RYR3: variants seen among roughly 807,000 people sequenced by gnomAD.
RYR3 encodes the protein ryanodine receptor 3.
A neutral mutation model predicts 584.3 loss-of-function variants in RYR3; 207 were observed. The observed-to-expected ratio is 0.35, with a 90% CI of 0.32 to 0.40. The LOEUF (loss-of-function observed/expected upper bound fraction) is 0.40. Ranked by LOEUF, RYR3 falls within the 10% of genes least tolerant of loss-of-function variation. The pLI is 1.00. For missense variants in RYR3, 5,616 were observed against 6,089.2 expected (o/e 0.92, Z 2.59); for synonymous variants, 2,416 against 2,248.5 (o/e 1.07, Z -2.11).
chr15:33,429,040 C>T (rs573952261), intron 1 of RYR3, among the ~76,000 whole-genome samples: 81 of 152,272 alleles, frequency 5.3e-4, no homozygotes, highest in Non-Finnish European at 8.5e-4. Flanking sequence ...GGAGGAAAAA[C>T]GACACTTTGT....
chr15:33,724,660 C>T (rs1211878298), intron 45 of RYR3, among the ~76,000 whole-genome samples: 2 of 152,166 alleles, frequency 1.3e-5, no homozygotes, highest in Non-Finnish European at 2.9e-5. Context: ...GAGATGTCTT[C>T]TCAGACTTCT....
At chr15:33,702,117 A>T (rs1157853037) in intron 42 of RYR3, among the ~76,000 whole-genome samples, 1 of 152,150 alleles carries the variant, frequency 6.6e-6, no homozygotes, top group African/African-American at 2.4e-5. Flanking sequence ...AGGCATAAAG[A>T]GATTGGGTGG....
rs369772468 is a variant in RYR3, at chr15:33,771,901, G to C, written c.8817-19G>C. ...AAGTTCAGATTATGCTTCTAGATTTGAACATTGTTTGCTTGCAGGACTGTC... is the reference window on the plus strand; with the variant it reads ...AAGTTCAGATTATGCTTCTAGATTTCAACATTGTTTGCTTGCAGGACTGTC... On this transcript the variant is annotated intron_variant, in intron 62 of 103. Transcript: ENST00000634891. The C allele has an allele frequency of 1.1e-4, 175 of 1,573,394 alleles. 1 individual carries two copies. The highest frequency in any genetic ancestry group is 8.3e-4 in the Middle Eastern group (5 of 6,032).
intron 1 of RYR3, among the ~76,000 whole-genome samples, chr15:33,401,717 T>G (rs2042684502): frequency 6.6e-6 from 1 of 152,194 alleles, no homozygotes; most frequent in South Asian, 2.1e-4. Flanking sequence ...TCTCAAAATG[T>G]GAGTGCTCAA....
intron 3 of RYR3, among the ~76,000 whole-genome samples, chr15:33,510,472 A>G (rs1202800672): frequency 6.6e-6 from 1 of 150,800 alleles, no homozygotes; most frequent in African/African-American, 2.5e-5. Context: ...CTCGGCTCCC[A>G]TTTATTTAGG....
At chr15:33,771,444 G>A (rs1360051184) in intron 62 of RYR3, among the ~76,000 whole-genome samples, 1 of 151,076 alleles carries the variant, frequency 6.6e-6, no homozygotes, top group Non-Finnish European at 1.5e-5. Context: ...TGAGGCAGGA[G>A]AATTGCTGTA....
intron 14 of RYR3, 54 bp downstream of exon 14, chr15:33,581,697 G>A (rs999156970): frequency 1.6e-5 from 24 of 1,496,080 alleles, no homozygotes; most frequent in Admixed American, 3.4e-5. Context: ...GGATTTCCAC[G>A]TGCAATCCCA....
chr15:33,783,817 A>G (rs1036939560), intron 65 of RYR3, among the ~76,000 whole-genome samples: 3 of 152,168 alleles, frequency 2.0e-5, no homozygotes, highest in Non-Finnish European at 4.4e-5. Flanking sequence ...CTTGTTACCC[A>G]TGGCCATTGT....
chr15:33,341,990 G>T (rs1193185216), intron 1 of RYR3, among the ~76,000 whole-genome samples: 6 of 152,206 alleles, frequency 3.9e-5, no homozygotes, highest in Admixed American at 6.5e-5. Context: ...CTGGAATTTA[G>T]GGTTAGTGAT....
chr15:33,635,343 A>G (rs1956559375), intron 25 of RYR3, among the ~76,000 whole-genome samples: 2 of 152,216 alleles, frequency 1.3e-5, no homozygotes, highest in South Asian at 4.1e-4. Flanking sequence ...AATGAGGACA[A>G]TATTAGCTAC....
intron 2 of RYR3, among the ~76,000 whole-genome samples, chr15:33,493,678 T>C (rs1350587158): frequency 1.3e-5 from 2 of 152,226 alleles, no homozygotes; most frequent in African/African-American, 4.8e-5. Context: ...TATGAAATTT[T>C]GCCAGTCCTG....
chr15:33,561,058 A>G (rs1441957209), intron 10 of RYR3, among the ~76,000 whole-genome samples: 1 of 152,246 alleles, frequency 6.6e-6, no homozygotes, highest in Non-Finnish European at 1.5e-5. Context: ...AGCTTGAAGG[A>G]AAATAAGAGT....
Position 33,497,864 on chromosome 15 carries a change from C to T in RYR3, c.172-5767C>T, listed in dbSNP as rs907933756. 2.0e-5 allele frequency among the ~76,000 whole-genome samples: 3 copies of T among 152,254 alleles called. No individual in the cohort carries two copies. The East Asian group carries it at 5.8e-4, about 29-fold the overall frequency. ...TTTACATCCATTAACCAGCCTCCCT[C>T]TCCCCACCCCTTCCCAGCCTCTAGT... On this transcript the variant is annotated intron_variant, in intron 2 of 103. Transcript: ENST00000634891.
chr15:33,538,887 T>A (rs929068868), intron 5 of RYR3, among the ~76,000 whole-genome samples: 1 of 152,176 alleles, frequency 6.6e-6, no homozygotes, highest in Non-Finnish European at 1.5e-5. Context: ...ATTGTCTGAG[T>A]CCTTGCAGAT....
chr15:33,852,681 A>G, intron 94 of RYR3: 1 of 194,888 alleles, frequency 5.1e-6, no homozygotes, highest in Non-Finnish European at 1.1e-5. Context: ...CATTGAATGG[A>G]ATGCCTGTGT....
chr15:33,652,331 A>T (rs1466726078), intron 31 of RYR3, among the ~76,000 whole-genome samples: 3 of 152,100 alleles, frequency 2.0e-5, no homozygotes, highest in African/African-American at 7.2e-5. Context: ...TCTGCCTCTT[A>T]TTCCAAATCC....
intron 67 of RYR3, among the ~76,000 whole-genome samples, chr15:33,796,124 G>GTTTTGTTTTTGT (rs71117180): frequency 6.6e-6 from 1 of 151,138 alleles, no homozygotes; most frequent in African/African-American, 2.4e-5. Context: ...GTTTTGTTTT[G>GTTTTGTTTTTGT]TTTTGTTTTT....
chr15:33,775,328 G>T (rs917492659), intron 64 of RYR3, among the ~76,000 whole-genome samples: 1 of 150 alleles, frequency 6.7e-3, no homozygotes, highest in African/African-American at 0.022. Context: ...GCTAGTTCTC[G>T]GGAGTGGAGA....
In RYR3 at chr15:33,543,186, G is replaced by A. The variant is rs1452620886; in HGVS notation, c.647-436G>A. On this transcript the variant is annotated intron_variant, in intron 7 of 103. Coordinates refer to ENST00000634891, the MANE Select transcript of RYR3 (RefSeq NM_001036.6). Reference sequence around the variant, plus strand: ...AGAATGGTCTGCTACCCCCTTCTCAGCACCTTTCTTTCCCATGACTGCAAT... The same window carrying A: ...AGAATGGTCTGCTACCCCCTTCTCAACACCTTTCTTTCCCATGACTGCAAT... Among the ~76,000 whole-genome samples, 7 of 152,134 alleles carry A rather than the reference G, an allele frequency of 4.6e-5. No homozygotes were observed. In the South Asian group the frequency reaches 1.5e-3, roughly 32 times the overall value.
Sources: allele counts gnomAD v4.1 joint callset (sites outside exome capture counted in the v4.1 genomes callset), GRCh38; gene constraint gnomAD v4.1.1; transcripts MANE v1.5; gene names NCBI Gene and HGNC (gene_info 2026-07-23, HGNC 2026-07-21).